Variants in DCC observed in about 807,000 individuals in gnomAD.
DCC encodes DCC netrin 1 receptor.
DCC carries 58 observed loss-of-function variants against 172.5 expected under a neutral mutation model. That is an observed-to-expected ratio of 0.34 (90% CI 0.27 to 0.42). The LOEUF is 0.42. DCC is among the 10% of genes least tolerant of loss of function. The pLI, the probability that DCC is intolerant of heterozygous loss-of-function variation, is 1.00. For missense variants in DCC, 1,740 were observed against 1,791.0 expected, an observed-to-expected ratio of 0.97 and a Z score of 0.51; for synonymous variants, 709 against 644.5, an observed-to-expected ratio of 1.10 and a Z score of -1.52.
At chr18:53,417,984 A>T (rs1208153627) in intron 21 of DCC, among the ~76,000 whole-genome samples, 1 of 152,174 alleles carries the variant, frequency 6.6e-6, no homozygotes, top group Non-Finnish European at 1.5e-5. Flanking sequence ...TCTACAATAA[A>T]TCAGGCTAGT....
intron 2 of DCC, among the ~76,000 whole-genome samples, chr18:52,871,908 T>TC (rs1389342293): frequency 6.6e-6 from 1 of 152,168 alleles, no homozygotes; most frequent in Non-Finnish European, 1.5e-5. Context: ...ATTATTTTTT[T>TC]CCCTCTGCTT....
intron 7 of DCC, among the ~76,000 whole-genome samples, chr18:53,138,732 A>G (rs2043784550): frequency 6.6e-6 from 1 of 152,248 alleles, no homozygotes; most frequent in Non-Finnish European, 1.5e-5. Context: ...TTCAAACAAT[A>G]TGACAGACAC....
intron 1 of DCC, among the ~76,000 whole-genome samples, chr18:52,458,901 A>G (rs1464900559): frequency 6.6e-6 from 1 of 152,204 alleles, no homozygotes. Flanking sequence ...GTCTTTTATT[A>G]TTGGTTTTGA....
intron 2 of DCC, among the ~76,000 whole-genome samples, chr18:52,885,097 G>T (rs1290422329): frequency 2.0e-5 from 3 of 152,060 alleles, no homozygotes; most frequent in Non-Finnish European, 4.4e-5. Flanking sequence ...GAATGTGCTG[G>T]TTCAGATCTG....
intron 7 of DCC, among the ~76,000 whole-genome samples, chr18:53,112,569 T>C (rs532502032): frequency 9.2e-5 from 14 of 151,634 alleles, no homozygotes; most frequent in African/African-American, 3.1e-4. Flanking sequence ...ATGAATAATG[T>C]AATGGATTTA....
At chr18:53,360,896 TA>T (rs2057937937) in intron 15 of DCC, among the ~76,000 whole-genome samples, 1 of 152,158 alleles carries the variant, frequency 6.6e-6, no homozygotes, top group Non-Finnish European at 1.5e-5. Flanking sequence ...GATGCTTCTT[TA>T]AAAGGTGTAC....
chr18:52,617,093 G>A (rs578119290), intron 1 of DCC, among the ~76,000 whole-genome samples: 6 of 152,146 alleles, frequency 3.9e-5, no homozygotes, highest in Non-Finnish European at 7.4e-5. Flanking sequence ...TCCGACGAAG[G>A]TGTACTGTCT....
At chr18:52,919,376 A>G (rs2040086030) in intron 3 of DCC, among the ~76,000 whole-genome samples, 1 of 152,198 alleles carries the variant, frequency 6.6e-6, no homozygotes, top group African/African-American at 2.4e-5. Flanking sequence ...ACTACTTACT[A>G]TTAATGAAAA....
intron 1 of DCC, among the ~76,000 whole-genome samples, chr18:52,343,100 C>A (rs536452310): frequency 6.6e-6 from 1 of 152,158 alleles, no homozygotes; most frequent in African/African-American, 2.4e-5. Flanking sequence ...GCAAGTGAGT[C>A]GTGATGCAGT....
chr18:52,483,153 C>T (rs9960216), intron 1 of DCC, among the ~76,000 whole-genome samples: 61 of 152,216 alleles, frequency 4.0e-4, no homozygotes, highest in African/African-American at 1.3e-3. Flanking sequence ...AAATCCGCCT[C>T]TGCCTTCCTC....
intron 5 of DCC, among the ~76,000 whole-genome samples, chr18:52,951,915 C>T (rs895883123): frequency 6.6e-6 from 1 of 152,072 alleles, no homozygotes; most frequent in African/African-American, 2.4e-5. Flanking sequence ...TAGAAATTTG[C>T]AGTGAATTGT....
At chr18:52,670,371 C>T (rs563081831) in intron 1 of DCC, among the ~76,000 whole-genome samples, 1 of 152,240 alleles carries the variant, frequency 6.6e-6, no homozygotes, top group East Asian at 1.9e-4. Context: ...TGACTCAGTC[C>T]TAAATGAAAT....
chr18:52,685,699 C>T (rs8084407), intron 1 of DCC, among the ~76,000 whole-genome samples: 22,999 of 152,086 alleles, frequency 0.15, 2,002 homozygotes, highest in Admixed American at 0.25. Flanking sequence ...TCCCATCTCC[C>T]TCTCTTCCTT....
chr18:52,635,184 ATTC>A (rs2034750563), intron 1 of DCC, among the ~76,000 whole-genome samples: 2 of 152,196 alleles, frequency 1.3e-5, no homozygotes, highest in African/African-American at 4.8e-5. Flanking sequence ...TGTTATAGCT[ATTC>A]TTCTTTTCAC....
intron 15 of DCC, among the ~76,000 whole-genome samples, chr18:53,371,870 A>C (rs1304345999): frequency 6.6e-6 from 1 of 152,142 alleles, no homozygotes; most frequent in African/African-American, 2.4e-5. Context: ...AATCCTAAGC[A>C]TCACTAATCA....
At chr18:53,041,167 A>T (rs1223869341) in intron 5 of DCC, among the ~76,000 whole-genome samples, 1 of 151,966 alleles carries the variant, frequency 6.6e-6, no homozygotes, top group African/African-American at 2.4e-5. Context: ...TAAGTCTTTA[A>T]TCCGACTTGA....
At chr18:53,156,486 C>CAAA (rs71175558) in intron 7 of DCC, among the ~76,000 whole-genome samples, 1 of 96,848 alleles carries the variant, frequency 1.0e-5, no homozygotes, top group Non-Finnish European at 2.3e-5. Flanking sequence ...CCATCTCAAC[C>CAAA]AAAAAAAAAA....
At chr18:52,960,987 G>A (rs1371958671) in intron 5 of DCC, among the ~76,000 whole-genome samples, 3 of 152,060 alleles carry the variant, frequency 2.0e-5, no homozygotes, top group Non-Finnish European at 4.4e-5. Flanking sequence ...CTATAATCAG[G>A]ACCAATAGTA....
chr18:52,986,691 A>T (rs1258695056), intron 5 of DCC, among the ~76,000 whole-genome samples: 1 of 151,866 alleles, frequency 6.6e-6, no homozygotes, highest in Non-Finnish European at 1.5e-5. Context: ...GCAAAAAAAA[A>T]TCCTGTCTGA....
Sources: gnomAD v4.1 joint callset for allele counts (sites outside exome capture counted in the v4.1 genomes callset) on GRCh38, gnomAD v4.1.1 for gene constraint, MANE v1.5 for transcripts, NCBI Gene and HGNC (gene_info 2026-07-23, HGNC 2026-07-21) for gene names.